The following TBC1D22A variants were observed in gnomAD, a reference collection of about 807,000 sequenced individuals.
TBC1D22A encodes TBC1 domain family member 22A, also known as putative GTPase activator.
Under a neutral mutation model 60.2 loss-of-function variants are expected in TBC1D22A, and 38 were observed. That is an observed-to-expected ratio of 0.63 (90% CI 0.49 to 0.83). The LOEUF (loss-of-function observed/expected upper bound fraction) is 0.83, where lower values mean the gene tolerates loss of function less well. Ranked by LOEUF, TBC1D22A falls within the 40% of genes least tolerant of loss-of-function variation. The pLI, the probability that TBC1D22A is intolerant of heterozygous loss-of-function variation, is 0.00. For missense variants in TBC1D22A, 628 were observed against 701.0 expected, an observed-to-expected ratio of 0.90 and a Z score of 1.18; for synonymous variants, 302 against 281.7, an observed-to-expected ratio of 1.07 and a Z score of -0.72.
intron 12 of TBC1D22A, among the ~76,000 whole-genome samples, chr22:47,153,776 C>T (rs1569475339): frequency 6.6e-6 from 1 of 152,120 alleles, no homozygotes; most frequent in Non-Finnish European, 1.5e-5. Context: ...AAACTGGGGA[C>T]GATGTCTGCA....
In TBC1D22A at chr22:47,129,685, G is replaced by A. The variant is rs569719865; in HGVS notation, c.1425+18082G>A. Reference sequence around the variant, plus strand: ...GGGGCAGGCCTGGGGCTGTTCCCAAGTATTAATGCCCCAAGCCTACACCTT... The same window carrying A: ...GGGGCAGGCCTGGGGCTGTTCCCAAATATTAATGCCCCAAGCCTACACCTT... On this transcript the variant is annotated intron_variant, in intron 12 of 12. Transcript: ENST00000337137. 1.8e-3 allele frequency among the ~76,000 whole-genome samples: 269 copies of A among 152,180 alleles called. 1 individual carries two copies. The highest frequency in any genetic ancestry group is 6.3e-3 in the African/African-American group (262 of 41,516).
rs1408164748 is a variant in TBC1D22A, at chr22:46,912,196, T to C, written c.1015+8T>C. Reference sequence around the variant, plus strand: ...TCATTTGTGAATACATAGGTAAGATTTCTTGCAAACATTAAACGTGAACTT... The same window carrying C: ...TCATTTGTGAATACATAGGTAAGATCTCTTGCAAACATTAAACGTGAACTT... On this transcript the variant is annotated splice_region_variant and intron_variant, in intron 8 of 12. Transcript: ENST00000337137. 1 of 1,602,670 alleles carries C rather than the reference T, an allele frequency of 6.2e-7. No individual in the cohort carries two copies. The highest frequency in any genetic ancestry group is 1.7e-4 in the Middle Eastern group (1 of 6,044).
At chr22:47,120,212 TGAAAA>T (rs1280508414) in intron 12 of TBC1D22A, among the ~76,000 whole-genome samples, 1 of 152,106 alleles carries the variant, frequency 6.6e-6, no homozygotes, top group African/African-American at 2.4e-5. Flanking sequence ...CTGAGTTTAA[TGAAAA>T]GAAAAAAACT....
chr22:47,036,361 G>T (rs934511526), intron 10 of TBC1D22A, among the ~76,000 whole-genome samples: 2 of 152,190 alleles, frequency 1.3e-5, no homozygotes, highest in Non-Finnish European at 2.9e-5. Context: ...ACACCGCCAG[G>T]ACTCAGCAGG....
rs372064405 is a variant in TBC1D22A, at chr22:47,091,216, G to A, written c.1330-20292G>A. On this transcript the variant is annotated intron_variant, in intron 11 of 12. Coordinates refer to ENST00000337137, the MANE Select transcript of TBC1D22A (RefSeq NM_014346.5). ...GAGGGGGTGGCTGCGTGTTGATAGA[G>A]ACAGGCAGGAGAAGTCATCTTTGGT... 6.0e-3 allele frequency among the ~76,000 whole-genome samples: 876 copies of A among 145,852 alleles called. 6 individuals carry two copies. The highest frequency in any genetic ancestry group is 0.021 in the African/African-American group (799 of 38,348).
chr22:46,785,762 G>C (rs757719006), intron 1 of TBC1D22A, among the ~76,000 whole-genome samples: 2 of 152,116 alleles, frequency 1.3e-5, no homozygotes. Flanking sequence ...ATTGATCTAC[G>C]TTGTAGCTTG....
At chr22:47,016,280 G>T (rs1603010830) in intron 10 of TBC1D22A, among the ~76,000 whole-genome samples, 1 of 152,264 alleles carries the variant, frequency 6.6e-6, no homozygotes, top group African/African-American at 2.4e-5. Flanking sequence ...AGGCAGCCTG[G>T]CAGGGTAGCC....
intron 10 of TBC1D22A, among the ~76,000 whole-genome samples, chr22:47,005,271 C>G (rs549680786): frequency 2.1e-4 from 32 of 151,546 alleles, no homozygotes; most frequent in Non-Finnish European, 4.1e-4. Context: ...CCCCTACACA[C>G]ATGCCTATAC....
In TBC1D22A at chr22:46,953,658, C is replaced by T. The variant is rs545085629; in HGVS notation, c.1016-20632C>T. Among the ~76,000 whole-genome samples, 15 of 152,254 alleles carry T rather than the reference C, an allele frequency of 9.9e-5. No homozygotes were observed. The South Asian group carries it at 2.7e-3, about 27-fold the overall frequency. The stretch of plus-strand genomic sequence containing the variant: ...AGAATCCTGGGTTACCAGTTTTATT[C>T]CCAGTCCTTTAACACTGTCATTCTA... On this transcript the variant is annotated intron_variant, in intron 8 of 12. Transcript: ENST00000337137.
At chr22:46,875,505 G>A (rs1462873893) in intron 4 of TBC1D22A, among the ~76,000 whole-genome samples, 1 of 151,818 alleles carries the variant, frequency 6.6e-6, no homozygotes, top group East Asian at 1.9e-4. Context: ...AGACTGCGGT[G>A]CAGTAGCGTG....
intron 4 of TBC1D22A, among the ~76,000 whole-genome samples, chr22:46,863,393 A>G (rs1000423134): frequency 5.9e-5 from 9 of 152,146 alleles, no homozygotes; most frequent in Non-Finnish European, 1.0e-4. Flanking sequence ...CAAGTACTGT[A>G]TTGGTGACAT....
At chr22:46,970,213 C>T (rs1193904281) in intron 8 of TBC1D22A, among the ~76,000 whole-genome samples, 1 of 152,064 alleles carries the variant, frequency 6.6e-6, no homozygotes, top group African/African-American at 2.4e-5. Context: ...CTGAGAGCCG[C>T]CCCCTGCCTG....
At chr22:46,959,286 A>G (rs760144069) in intron 8 of TBC1D22A, among the ~76,000 whole-genome samples, 1 of 152,212 alleles carries the variant, frequency 6.6e-6, no homozygotes, top group Non-Finnish European at 1.5e-5. Context: ...CAAGAGAAGG[A>G]CACACACACT....
intron 10 of TBC1D22A, among the ~76,000 whole-genome samples, chr22:47,017,128 C>T (rs1210143020): frequency 6.6e-6 from 1 of 152,202 alleles, no homozygotes; most frequent in African/African-American, 2.4e-5. Flanking sequence ...CAAGTCTTTC[C>T]TGTCATTAAT....
intron 4 of TBC1D22A, among the ~76,000 whole-genome samples, chr22:46,872,712 G>A (rs796571583): frequency 3.9e-4 from 59 of 152,308 alleles, no homozygotes; most frequent in African/African-American, 1.3e-3. Context: ...GTTTTGAGGA[G>A]GCCAAAACAG....
At position 47,075,797 on chromosome 22, in the gene TBC1D22A, G is replaced by GAC. The variant is rs145664340; in HGVS notation, c.1330-35693_1330-35692dup. Among the ~76,000 whole-genome samples the GAC allele has an allele frequency of 6.4e-3, 961 of 149,584 alleles. 8 individuals carry two copies. Among genetic ancestry groups the GAC allele is most frequent in the Middle Eastern group, 0.028 (8 of 290 alleles). On this transcript the variant is annotated intron_variant, in intron 11 of 12. Coordinates refer to ENST00000337137, the MANE Select transcript of TBC1D22A (RefSeq NM_014346.5). Reference sequence around the variant, plus strand: ...ATCCAACTATGTGGTATTCATGATTGACACACACACACACACACATATGGA... The same window carrying GAC: ...ATCCAACTATGTGGTATTCATGATTGACACACACACACACACACACATATGGA...
chr22:47,063,314 C>G (rs748182056), intron 11 of TBC1D22A, among the ~76,000 whole-genome samples: 4 of 152,140 alleles, frequency 2.6e-5, no homozygotes, highest in African/African-American at 9.7e-5. Context: ...TCACTAAGGG[C>G]CACCCAGCAG....
intron 11 of TBC1D22A, among the ~76,000 whole-genome samples, chr22:47,067,003 C>G (rs767043473): frequency 1.8e-4 from 27 of 152,180 alleles, no homozygotes; most frequent in Non-Finnish European, 1.0e-4. Flanking sequence ...CGGTGGCTCA[C>G]GCCTGTAATC....
rs367701562 is a variant in TBC1D22A at position 47,158,438 on chromosome 22, G to A, written c.1426-15060G>A. Among the ~76,000 whole-genome samples the A allele has an allele frequency of 5.3e-5, 8 of 152,286 alleles. No individual in the cohort carries two copies. In the East Asian group the frequency reaches 5.8e-4, roughly 11 times the overall value. On this transcript the variant is annotated intron_variant, in intron 12 of 12. Transcript: ENST00000337137. ...AGGGGAGAGGAGAGGCACTGAGGGC[G>A]GAGAGAGGCAGCAGTCCTGGGTAGG...
Sources: allele counts gnomAD v4.1 joint callset (sites outside exome capture counted in the v4.1 genomes callset), GRCh38; gene constraint gnomAD v4.1.1; transcripts MANE v1.5; gene names NCBI Gene and HGNC (gene_info 2026-07-23, HGNC 2026-07-21).